Variants in AGMO observed in about 807,000 individuals in gnomAD.
AGMO encodes alkylglycerol monooxygenase, also known as glyceryl-ether monooxygenase.
AGMO carries 75 observed loss-of-function variants against 60.2 expected under a neutral mutation model. The ratio of observed to expected loss-of-function variants is 1.25; its 90% confidence interval spans 1.03 to 1.51. AGMO has a LOEUF of 1.51. AGMO is among the 40% of genes most tolerant of loss of function. AGMO has a pLI of 0.00. For missense variants in AGMO, 763 were observed against 525.5 expected (o/e 1.45, Z -4.42); for synonymous variants, 261 against 177.1 (o/e 1.47, Z -3.76).
At chr7:15,131,757 A>AACACACACACACACACAC in the AGMO span, among the ~76,000 whole-genome samples, 2 of 146,256 alleles carry the variant, frequency 1.4e-5, no homozygotes, top group East Asian at 2.0e-4. Flanking sequence ...CAAAGAAATT[A>AACACACACACACACACAC]ACACACACAC....
Position 15,544,723 on chromosome 7 carries a change from C to G in AGMO, c.409+49G>C, listed in dbSNP as rs373734203. ...TGTTTACTGAATATGTACTATGTAC[C>G]AAACACAGTTCAACATAAGTTAACA... On this transcript the variant is annotated intron_variant, in intron 3 of 12. Coordinates refer to ENST00000342526, the MANE Select transcript of AGMO (RefSeq NM_001004320.2). The G allele has an allele frequency of 6.2e-5, 89 of 1,442,212 alleles. 1 individual carries two copies. The South Asian group carries it at 1.3e-3, about 20-fold the overall frequency. 89.3% of individuals were successfully genotyped at this position (1,442,212 alleles called of 1,614,324 possible). A position where few individuals can be genotyped will look rare whatever the true frequency, so the allele number is the denominator to read the frequency against.
At chr7:15,276,548 C>T (rs1258532100) in intron 12 of AGMO, among the ~76,000 whole-genome samples, 2 of 152,078 alleles carry the variant, frequency 1.3e-5, no homozygotes, top group Non-Finnish European at 2.9e-5. Flanking sequence ...CTAGCAGCTG[C>T]TCCTCAAATT....
chr7:15,361,685 G>C (rs1782773464), intron 12 of AGMO, among the ~76,000 whole-genome samples: 1 of 151,958 alleles, frequency 6.6e-6, no homozygotes, highest in African/African-American at 2.4e-5. Context: ...AACCACTAAT[G>C]AAGTGTGGTT....
chr7:15,429,821 T>C (rs1351762783), intron 4 of AGMO, among the ~76,000 whole-genome samples: 2 of 152,198 alleles, frequency 1.3e-5, no homozygotes, highest in African/African-American at 2.4e-5. Flanking sequence ...TATCATTTAC[T>C]AGCTGTGTAA....
intron 12 of AGMO, among the ~76,000 whole-genome samples, chr7:15,257,174 G>C (rs951310212): frequency 2.0e-5 from 3 of 151,722 alleles, no homozygotes; most frequent in African/African-American, 7.3e-5. Flanking sequence ...ACTCTAAAGG[G>C]GTGAAAAATG....
downstream of AGMO, among the ~76,000 whole-genome samples, chr7:15,198,213 G>C (rs962678011): frequency 9.4e-4 from 87 of 92,862 alleles, 1 homozygote; most frequent in African/African-American, 5.6e-3. Flanking sequence ...GAGAGAGAGA[G>C]AGAGAGAGAG....
At chr7:15,472,103 T>A (rs2128512989) in intron 3 of AGMO, among the ~76,000 whole-genome samples, 1 of 152,046 alleles carries the variant, frequency 6.6e-6, no homozygotes, top group East Asian at 1.9e-4. Context: ...TTCTATCATC[T>A]CATGGTAGAC....
intron 3 of AGMO, among the ~76,000 whole-genome samples, chr7:15,535,896 A>G (rs1265322190): frequency 6.6e-6 from 1 of 151,486 alleles, no homozygotes; most frequent in Non-Finnish European, 1.5e-5. Flanking sequence ...AGCAACTTTT[A>G]TTTGTTCACT....
rs773327227 is a variant in AGMO at position 15,306,518 on chromosome 7, A to G, written c.1263+58996T>C. ...AGTCACTCAAACTTAAAAGTTCTCC[A>G]AAGTTCTCCTTGGCCTGGAGCCCAA... On this transcript the variant is annotated intron_variant, in intron 12 of 12. Coordinates refer to ENST00000342526, the MANE Select transcript of AGMO (RefSeq NM_001004320.2). The G allele has an allele frequency of 3.0e-5, 14 of 470,014 alleles. 1 individual carries two copies. Among genetic ancestry groups the G allele is most frequent in the South Asian group, 1.9e-4 (12 of 64,448 alleles). 29.1% of individuals were successfully genotyped at this position (470,014 alleles called of 1,614,324 possible).
chr7:15,385,847 T>C lies in AGMO; in HGVS notation c.958-285A>G, dbSNP rs544274450. On this transcript the variant is annotated intron_variant, in intron 9 of 12. Transcript: ENST00000342526. ...TGGGATGTATCTTCCCTATTTGATA[T>C]GTCCACGATCACATCTGGCGGCAAA... is the stretch of plus-strand genomic sequence containing the variant. Among the ~76,000 whole-genome samples, 18 of 152,272 alleles carry C rather than the reference T, an allele frequency of 1.2e-4. No individual in the cohort carries two copies. In the South Asian group the frequency reaches 3.7e-3, roughly 32 times the overall value.
intron 3 of AGMO, among the ~76,000 whole-genome samples, chr7:15,468,207 G>C (rs989347298): frequency 3.3e-5 from 5 of 152,152 alleles, no homozygotes; most frequent in African/African-American, 1.2e-4. Flanking sequence ...TGTTGTAGCT[G>C]TTACATCCCT....
chr7:15,248,223 T>TATATATATATACA (rs71004372), intron 12 of AGMO, among the ~76,000 whole-genome samples: 1 of 111,992 alleles, frequency 8.9e-6, no homozygotes, highest in Non-Finnish European at 1.9e-5. Context: ...TATATATATA[T>TATATATATATACA]ATCTTCATCT....
At chr7:15,399,406 A>G (rs1784496859) in intron 5 of AGMO, among the ~76,000 whole-genome samples, 1 of 152,164 alleles carries the variant, frequency 6.6e-6, no homozygotes, top group African/African-American at 2.4e-5. Flanking sequence ...TCTTAGTTAT[A>G]TTGTGTTGTC....
chr7:15,302,871 G>A (rs1306578298), intron 12 of AGMO, among the ~76,000 whole-genome samples: 1 of 152,094 alleles, frequency 6.6e-6, no homozygotes, highest in Admixed American at 6.6e-5. Context: ...GTTACTGAGA[G>A]TAATAATTTC....
At chr7:15,422,462 T>C (rs1224654977) in intron 4 of AGMO, among the ~76,000 whole-genome samples, 1 of 152,074 alleles carries the variant, frequency 6.6e-6, no homozygotes, top group Non-Finnish European at 1.5e-5. Flanking sequence ...ACATTTTCTA[T>C]AAAACTAGAG....
chr7:15,547,589 G>T (rs555667616), intron 2 of AGMO, among the ~76,000 whole-genome samples: 1 of 152,218 alleles, frequency 6.6e-6, no homozygotes, highest in African/African-American at 2.4e-5. Context: ...ACTCCCACAC[G>T]AATATTGCGC....
chr7:15,280,001 G>A (rs1024961285), intron 12 of AGMO, among the ~76,000 whole-genome samples: 3 of 152,298 alleles, frequency 2.0e-5, no homozygotes, highest in South Asian at 2.1e-4. Context: ...GTGGTCACAG[G>A]TTGAAAGAAG....
At chr7:15,450,914 G>C (rs917528558) in intron 3 of AGMO, among the ~76,000 whole-genome samples, 1 of 151,838 alleles carries the variant, frequency 6.6e-6, no homozygotes, top group African/African-American at 2.4e-5. Context: ...ACTTTGGATG[G>C]GGCAAAAATG....
chr7:15,425,437 A>ATT (rs34010266), intron 4 of AGMO, among the ~76,000 whole-genome samples: 30 of 143,484 alleles, frequency 2.1e-4, no homozygotes, highest in Middle Eastern at 7.3e-3. Context: ...TGTTTATTTT[A>ATT]TTTTTTTTTT....
Sources: allele counts gnomAD v4.1 joint callset (sites outside exome capture counted in the v4.1 genomes callset), GRCh38; gene constraint gnomAD v4.1.1; transcripts MANE v1.5; gene names NCBI Gene and HGNC (gene_info 2026-07-23, HGNC 2026-07-21).